The following KCNK12 variants were observed in gnomAD, a reference collection of about 807,000 sequenced individuals.
The protein encoded by KCNK12 is potassium channel subfamily K member 12.
Under a neutral mutation model 25.3 loss-of-function variants are expected in KCNK12, and 6 were observed. The observed-to-expected ratio is 0.24, with a 90% confidence interval of 0.13 to 0.47. The LOEUF (loss-of-function observed/expected upper bound fraction) is 0.47, where lower values mean the gene tolerates loss of function less well. Ranked by LOEUF, KCNK12 falls within the 20% of genes least tolerant of loss-of-function variation. The probability of loss-of-function intolerance (pLI) is 0.99; values close to 1 mark genes in which losing one functional copy is unlikely to be tolerated. For synonymous variants in KCNK12, 331 were observed against 311.1 expected (o/e 1.06, Z -0.67); for missense variants, 444 against 661.7 (o/e 0.67, Z 3.61).
intron 1 of KCNK12, chr2:47,564,271 CT>C: frequency 4.3e-6 from 1 of 230,408 alleles, no homozygotes; most frequent in Non-Finnish European, 8.6e-6. Flanking sequence ...CAGACAGTCT[CT>C]CGCTCCAAAG....
chr2:47,512,175 G>T lies in KCNK12; in HGVS notation c.*8732C>A. Reference sequence around the variant, plus strand: ...GCTGGTCCTGCTCCTCCCAGTCCATGGAGAAAAAAGAATTGAACAAACTGT... The same window carrying T: ...GCTGGTCCTGCTCCTCCCAGTCCATTGAGAAAAAAGAATTGAACAAACTGT... On this transcript the variant is annotated 3_prime_UTR_variant, in exon 2 of 2. Coordinates refer to ENST00000327876, the MANE Select transcript of KCNK12 (RefSeq NM_022055.2). 1 of 1,151,118 alleles carries T rather than the reference G, an allele frequency of 8.7e-7. No individual in the cohort carries two copies. 71.3% of individuals were successfully genotyped at this position (1,151,118 alleles called of 1,614,324 possible). A position where few individuals can be genotyped will look rare whatever the true frequency, so the allele number is the denominator to read the frequency against.
chr2:47,570,300 C>T lies in KCNK12; in HGVS notation c.32G>A (p.Arg11His), dbSNP rs780240172. MSSRSPRPPP[R>H]RSRRRLPRPS... Reference sequence around the variant, plus strand: ...GCGCGGCAGGCGGCGGCGGCTACGGCGGGGCGGGGGCCGGGGGCTGCGGGA... The same window carrying T: ...GCGCGGCAGGCGGCGGCGGCTACGGTGGGGCGGGGGCCGGGGGCTGCGGGA... Residue 11 changes from arginine to histidine, a missense_variant, in exon 1 of 2, where the codon CGC becomes CAC. By Grantham distance (29) the Arg-to-His change is conservative. This residue lies in a region of KCNK12 where 67 missense variants were observed against 59.2 expected (regional missense o/e 1.13). Coordinates refer to ENST00000327876, the MANE Select transcript of KCNK12 (RefSeq NM_022055.2). 2.6e-4 allele frequency: 360 copies of T among 1,360,848 alleles called. No individual in the cohort carries two copies. The highest frequency in any genetic ancestry group is 4.3e-5 in the Non-Finnish European group (45 of 1,058,754). The allele number at this position is 1,360,848 out of a possible 1,614,324, so 84.3% of individuals were successfully genotyped here.
In KCNK12 at chr2:47,520,725, G is replaced by A. The variant is rs1033956923; in HGVS notation, c.*182C>T. ...GAGGGGACTCACAAGGAACACAGGC[G>A]TCCCCAAAACCTGCCCTTGATAACA... On this transcript the variant is annotated 3_prime_UTR_variant, in exon 2 of 2. Transcript: ENST00000327876. This position sits in a 1 kb window ranked among gnomAD's most constrained non-coding sequence, Gnocchi z 5.0. 1 of 411,282 alleles carries A rather than the reference G, an allele frequency of 2.4e-6. No individual in the cohort carries two copies. Among genetic ancestry groups the A allele is most frequent in the Non-Finnish European group, 4.2e-6 (1 of 239,720 alleles). The allele number at this position is 411,282 out of a possible 1,614,324, so 25.5% of individuals were successfully genotyped here. A position where few individuals can be genotyped will look rare whatever the true frequency, so the allele number is the denominator to read the frequency against.
chr2:47,558,100 C>A (rs1206928223), intron 1 of KCNK12, among the ~76,000 whole-genome samples: 1 of 152,240 alleles, frequency 6.6e-6, no homozygotes, highest in East Asian at 1.9e-4. Flanking sequence ...AACGGCCATT[C>A]ATTCAAATTT....
At position 47,509,990 on chromosome 2, in the gene KCNK12, T is replaced by C. The variant is rs1668361206; in HGVS notation, c.*10917A>G. On this transcript the variant is annotated 3_prime_UTR_variant, in exon 2 of 2. Coordinates refer to ENST00000327876, the MANE Select transcript of KCNK12 (RefSeq NM_022055.2). ...AATCCCCTCCCCCTTGCTGTCCTCTTGTACAGAGGACTGAAAGCACAACAC... is the reference window on the plus strand; with the variant it reads ...AATCCCCTCCCCCTTGCTGTCCTCTCGTACAGAGGACTGAAAGCACAACAC... 6.6e-6 allele frequency: 1 copy of C among 152,168 alleles called. No homozygotes were observed. The highest frequency in any genetic ancestry group is 1.5e-5 in the Non-Finnish European group (1 of 68,044). The allele number at this position is 152,168 out of a possible 1,614,324, so 9.4% of individuals were successfully genotyped here.
chr2:47,569,883 A>C lies in KCNK12; in HGVS notation c.391+58T>G. Reference sequence around the variant, plus strand: ...CGCGGACCGAGCGGCCGAGCAGTGGAAAGGGCGGCAGGTGAAAGGCACAGA... The same window carrying C: ...CGCGGACCGAGCGGCCGAGCAGTGGCAAGGGCGGCAGGTGAAAGGCACAGA... On this transcript the variant is annotated intron_variant, in intron 1 of 1. Transcript: ENST00000327876. This position sits in a 1 kb window ranked among gnomAD's most constrained non-coding sequence, Gnocchi z 4.1. 1 of 1,270,150 alleles carries C rather than the reference A, an allele frequency of 7.9e-7. No individual in the cohort carries two copies. The highest frequency in any genetic ancestry group is 1.0e-6 in the Non-Finnish European group (1 of 994,324). 78.7% of individuals were successfully genotyped at this position (1,270,150 alleles called of 1,614,324 possible). A position where few individuals can be genotyped will look rare whatever the true frequency, so the allele number is the denominator to read the frequency against.
chr2:47,539,748 C>T (rs1669153655), intron 1 of KCNK12, among the ~76,000 whole-genome samples: 1 of 152,044 alleles, frequency 6.6e-6, no homozygotes, highest in Non-Finnish European at 1.5e-5. Flanking sequence ...CAGAAGGAGC[C>T]GAAAGGGGAA....
Position 47,551,871 on chromosome 2 carries a change from G to A in KCNK12, c.391+18070C>T, listed in dbSNP as rs1669441252. On this transcript the variant is annotated intron_variant, in intron 1 of 1. Coordinates refer to ENST00000327876, the MANE Select transcript of KCNK12 (RefSeq NM_022055.2). The surrounding 1 kb of genome is among the most constrained non-coding windows in gnomAD (Gnocchi z 5.3). ...TCACTACAGTGGCATTACAGAGAAA[G>A]CCTGGAAACATTACAAGGGAGTAGA... Among the ~76,000 whole-genome samples, 1 of 152,222 alleles carries A rather than the reference G, an allele frequency of 6.6e-6. No individual in the cohort carries two copies. Among genetic ancestry groups the A allele is most frequent in the Non-Finnish European group, 1.5e-5 (1 of 68,048 alleles).
Position 47,545,300 on chromosome 2 carries a change from A to G in KCNK12, c.392-23492T>C, listed in dbSNP as rs536955881. On this transcript the variant is annotated intron_variant, in intron 1 of 1. Coordinates refer to ENST00000327876, the MANE Select transcript of KCNK12 (RefSeq NM_022055.2). Reference sequence around the variant, plus strand: ...AATGCTATGAATGAAGACTGGAGGGACAGTTCAGGGTCTTGCTGACTAGTT... The same window carrying G: ...AATGCTATGAATGAAGACTGGAGGGGCAGTTCAGGGTCTTGCTGACTAGTT... 3.9e-5 allele frequency among the ~76,000 whole-genome samples: 6 copies of G among 152,256 alleles called. No individual in the cohort carries two copies. The South Asian group carries it at 1.0e-3, about 26-fold the overall frequency.
rs915255115 is a variant in KCNK12 at position 47,570,851 on chromosome 2, G to A, written c.-520C>T. The A allele has an allele frequency of 1.3e-5, 2 of 152,166 alleles. No individual in the cohort carries two copies. The highest frequency in any genetic ancestry group is 2.9e-5 in the Non-Finnish European group (2 of 68,084). The allele number at this position is 152,166 out of a possible 1,614,324, so 9.4% of individuals were successfully genotyped here. ...GCGCCTCCTAGGTGCGGGCTGTGCGGGCAGTCCTGCTCCCGCCCCCGGGGC... is the reference window on the plus strand; with the variant it reads ...GCGCCTCCTAGGTGCGGGCTGTGCGAGCAGTCCTGCTCCCGCCCCCGGGGC... On this transcript the variant is annotated 5_prime_UTR_variant, in exon 1 of 2. Transcript: ENST00000327876.
Position 47,513,607 on chromosome 2 carries a change from C to A in KCNK12, c.*7300G>T, listed in dbSNP as rs993572985. ...GTCATTGTTATGAGCTCTAGACTCA[C>A]AAGGCCAATTGCTTGGTGGGAACCC... On this transcript the variant is annotated 3_prime_UTR_variant, in exon 2 of 2. Coordinates refer to ENST00000327876, the MANE Select transcript of KCNK12 (RefSeq NM_022055.2). Among the ~76,000 whole-genome samples, 1 of 152,202 alleles carries A rather than the reference C, an allele frequency of 6.6e-6. No individual in the cohort carries two copies. Among genetic ancestry groups the A allele is most frequent in the African/African-American group, 2.4e-5 (1 of 41,460 alleles).
chr2:47,570,214 C>G lies in KCNK12; in HGVS notation c.118G>C (p.Val40Leu). ...SHLNEDTGRF[V>L]LLAALIGLYL... ...AGGCCGATGAGCGCCGCCAGCAGCA[C>G]GAAGCGGCCGGTGTCCTCGTTGAGG... is the stretch of plus-strand genomic sequence containing the variant. The change falls in exon 1 of 2, where the codon GTG becomes CTG. Residue 40 changes from valine to leucine, a missense_variant. Val to Leu is a conservative substitution (Grantham distance 32, BLOSUM62 1). Around this residue, in one of 8 missense-constraint regions of KCNK12, gnomAD observed 106 missense variants for 142.2 expected, o/e 0.75. Coordinates refer to ENST00000327876, the MANE Select transcript of KCNK12 (RefSeq NM_022055.2). 7 of 1,492,838 alleles carry G rather than the reference C, an allele frequency of 4.7e-6. No homozygotes were observed. Among genetic ancestry groups the G allele is most frequent in the Non-Finnish European group, 5.3e-6 (6 of 1,125,112 alleles). The allele number at this position is 1,492,838 out of a possible 1,614,324, so 92.5% of individuals were successfully genotyped here.
chr2:47,532,035 C>T lies in KCNK12; in HGVS notation c.392-10227G>A, dbSNP rs371388455. 4.3e-4 allele frequency among the ~76,000 whole-genome samples: 65 copies of T among 151,956 alleles called. 1 individual carries two copies. In the South Asian group the frequency reaches 0.012, roughly 29 times the overall value. On this transcript the variant is annotated intron_variant, in intron 1 of 1. Coordinates refer to ENST00000327876, the MANE Select transcript of KCNK12 (RefSeq NM_022055.2). ...GCACTCCAGCCTGGGTGACAAAGCG[C>T]GACTCCGTCTCAAAAAAAACCCCCA...
Position 47,538,059 on chromosome 2 carries a change from A to G in KCNK12, c.392-16251T>C, listed in dbSNP as rs62140879. ...AGGCCCCTGAGGAACTTCAGTATCT[A>G]AAGGGCAGAAGAGGAGTCTATGAAG... On this transcript the variant is annotated intron_variant, in intron 1 of 1. Coordinates refer to ENST00000327876, the MANE Select transcript of KCNK12 (RefSeq NM_022055.2). The surrounding 1 kb of genome is among the most constrained non-coding windows in gnomAD (Gnocchi z 4.5). Among the ~76,000 whole-genome samples the G allele has an allele frequency of 0.035, 5,311 of 152,284 alleles. 127 individuals are homozygous for G. Among genetic ancestry groups the G allele is most frequent in the African/African-American group, 0.059 (2,454 of 41,552 alleles).
In KCNK12 at chr2:47,517,611, T is replaced by A. The variant is rs1438401973; in HGVS notation, c.*3296A>T. The A allele has an allele frequency of 2.0e-5, 3 of 152,102 alleles. No individual in the cohort carries two copies. Among genetic ancestry groups the A allele is most frequent in the African/African-American group, 7.2e-5 (3 of 41,410 alleles). 9.4% of individuals were successfully genotyped at this position (152,102 alleles called of 1,614,324 possible). On this transcript the variant is annotated 3_prime_UTR_variant, in exon 2 of 2. Coordinates refer to ENST00000327876, the MANE Select transcript of KCNK12 (RefSeq NM_022055.2). This position sits in a 1 kb window ranked among gnomAD's most constrained non-coding sequence, Gnocchi z 4.1. ...GTGTATATATATATACATATATGCA[T>A]GATGCTGTGCAAATGCCCAGGGCTG...
At chr2:47,568,179 C>T (rs1572614851) in intron 1 of KCNK12, among the ~76,000 whole-genome samples, 1 of 152,066 alleles carries the variant, frequency 6.6e-6, no homozygotes, top group East Asian at 1.9e-4. Context: ...AATATGTGCA[C>T]AGGTGCCTCT....
chr2:47,516,532 G>A lies in KCNK12; in HGVS notation c.*4375C>T, dbSNP rs1185816075. 1 of 152,298 alleles carries A rather than the reference G, an allele frequency of 6.6e-6. No homozygotes were observed. The highest frequency in any genetic ancestry group is 6.5e-5 in the Admixed American group (1 of 15,290). The allele number at this position is 152,298 out of a possible 1,614,324, so 9.4% of individuals were successfully genotyped here. A position where few individuals can be genotyped will look rare whatever the true frequency, so the allele number is the denominator to read the frequency against. ...TGAGAGGAGGTGTGAACTGGAAGATGGGGAGGCAGGCGGCTCTGACAGACA... is the reference window on the plus strand; with the variant it reads ...TGAGAGGAGGTGTGAACTGGAAGATAGGGAGGCAGGCGGCTCTGACAGACA... On this transcript the variant is annotated 3_prime_UTR_variant, in exon 2 of 2. Transcript: ENST00000327876.
In KCNK12 at chr2:47,569,795, CGGA is replaced by C. The variant is rs1669851605; in HGVS notation, c.391+143_391+145del. 1.6e-6 allele frequency: 1 copy of C among 617,100 alleles called. No individual in the cohort carries two copies. The highest frequency in any genetic ancestry group is 2.4e-6 in the Non-Finnish European group (1 of 418,830). 38.2% of individuals were successfully genotyped at this position (617,100 alleles called of 1,614,324 possible). A position where few individuals can be genotyped will look rare whatever the true frequency, so the allele number is the denominator to read the frequency against. ...GAGAGAGAGAGAGAACGGGGGCCGG[CGGA>C]GAAGAGGGCGAGACGAAAGTAAGCA... is the stretch of plus-strand genomic sequence containing the variant. On this transcript the variant is annotated intron_variant, in intron 1 of 1. Transcript: ENST00000327876. This position sits in a 1 kb window ranked among gnomAD's most constrained non-coding sequence, Gnocchi z 4.1.
chr2:47,511,649 G>A lies in KCNK12; in HGVS notation c.*9258C>T, dbSNP rs1014646254. ...AGGTGGGGGTCTTTCCATAGGGGAT[G>A]AGGAAGACAAGGCCACTTGGAGGCA... On this transcript the variant is annotated 3_prime_UTR_variant, in exon 2 of 2. Transcript: ENST00000327876. This position sits in a 1 kb window ranked among gnomAD's most constrained non-coding sequence, Gnocchi z 4.3. Among the ~76,000 whole-genome samples, 1 of 152,206 alleles carries A rather than the reference G, an allele frequency of 6.6e-6. No homozygotes were observed. The highest frequency in any genetic ancestry group is 1.5e-5 in the Non-Finnish European group (1 of 68,040).
Sources: gnomAD v4.1 joint callset for allele counts (sites outside exome capture counted in the v4.1 genomes callset) on GRCh38, gnomAD v4.1.1 for gene constraint, gnomAD v4.1.1 regional missense constraint, Gnocchi (gnomAD v3.1) non-coding constraint, MANE v1.5 for transcripts, NCBI Gene and HGNC (gene_info 2026-07-23, HGNC 2026-07-21) for gene names.